Variants in ADCY9 observed in about 807,000 individuals in gnomAD.
ADCY9 encodes the protein adenylate cyclase type 9.
In ADCY9, 50 loss-of-function variants were observed where a neutral mutation model predicts 101.5. The ratio of observed to expected loss-of-function variants is 0.49; its 90% CI spans 0.39 to 0.62. ADCY9 has a LOEUF of 0.62. Ranked by LOEUF, ADCY9 falls within the 20% of genes least tolerant of loss-of-function variation. ADCY9 has a pLI of 0.00. For missense variants in ADCY9, 1,662 were observed against 1,800.4 expected (o/e 0.92, Z 1.39); for synonymous variants, 905 against 769.3 (o/e 1.18, Z -2.92).
At chr16:3,957,220 G>T (rs2055912408) in intron 5 of ADCY9, among the ~76,000 whole-genome samples, 1 of 152,180 alleles carries the variant, frequency 6.6e-6, no homozygotes, top group African/African-American at 2.4e-5. Flanking sequence ...ATGATGCCCA[G>T]TTAGAACCTG....
chr16:3,994,992 C>G (rs1474792855), intron 3 of ADCY9, among the ~76,000 whole-genome samples: 2 of 152,142 alleles, frequency 1.3e-5, no homozygotes, highest in East Asian at 1.9e-4. Flanking sequence ...AGATTTAATA[C>G]AGGTACCCTA....
At position 4,032,511 on chromosome 16, in the gene ADCY9, A is replaced by ATT. The variant is rs35449509; in HGVS notation, c.1694-24955_1694-24954dup. Among the ~76,000 whole-genome samples the ATT allele has an allele frequency of 2.5e-3, 345 of 140,514 alleles. 1 individual carries two copies. The highest frequency in any genetic ancestry group is 5.3e-3 in the South Asian group (23 of 4,312). 92.2% of individuals were successfully genotyped at this position (140,514 alleles called of 152,430 possible). On this transcript the variant is annotated intron_variant, in intron 2 of 10. Transcript: ENST00000294016. ...CGTGGTCTTCCATCTATATCACACAATTTTTTTTTTTTTTTGAGATGGAGT... is the reference window on the plus strand; with the variant it reads ...CGTGGTCTTCCATCTATATCACACAATTTTTTTTTTTTTTTTTGAGATGGAGT...
At chr16:4,072,846 T>G (rs898990878) in intron 2 of ADCY9, among the ~76,000 whole-genome samples, 6 of 151,858 alleles carry the variant, frequency 4.0e-5, no homozygotes, top group Non-Finnish European at 8.8e-5. Flanking sequence ...TTGGGAAACA[T>G]ATTACATTCA....
intron 7 of ADCY9, among the ~76,000 whole-genome samples, chr16:3,980,274 T>TTTC (rs879585429): frequency 0.33 from 50,239 of 152,158 alleles, 9,471 homozygotes; most frequent in Middle Eastern, 0.49. Context: ...GAGTGTGATG[T>TTTC]TGACACAATA....
At chr16:3,993,794 T>C (rs1014571825) in intron 3 of ADCY9, among the ~76,000 whole-genome samples, 4 of 152,160 alleles carry the variant, frequency 2.6e-5, no homozygotes, top group African/African-American at 7.2e-5. Flanking sequence ...CAATGGGATA[T>C]TACTCAGCCA....
At chr16:3,956,503 T>TTTTTTTTTTTTTA (rs55792938) in intron 5 of ADCY9, among the ~76,000 whole-genome samples, 1 of 69,496 alleles carries the variant, frequency 1.4e-5, no homozygotes, top group Non-Finnish European at 3.9e-5. Context: ...TTTTTTTTTT[T>TTTTTTTTTTTTTA]GGGGGGGGAT....
intron 2 of ADCY9, among the ~76,000 whole-genome samples, chr16:4,037,783 G>A (rs1159437668): frequency 6.6e-6 from 1 of 152,076 alleles, no homozygotes; most frequent in African/African-American, 2.4e-5. Flanking sequence ...GTCTTTGAGC[G>A]GAGACCTGTA....
intron 2 of ADCY9, among the ~76,000 whole-genome samples, chr16:4,058,609 G>T (rs567617811): frequency 2.6e-5 from 4 of 152,194 alleles, no homozygotes; most frequent in Non-Finnish European, 5.9e-5. Flanking sequence ...TGACGTTGCA[G>T]GGGGAAGTGA....
Position 4,114,122 on chromosome 16 carries a change from G to T in ADCY9, c.1321C>A (p.Leu441Met). 1 of 1,613,852 alleles carries T rather than the reference G, an allele frequency of 6.2e-7. No homozygotes were observed. The highest frequency in any genetic ancestry group is 8.5e-7 in the Non-Finnish European group (1 of 1,180,034). ...GCCACGCAGTAGTAACAGTCTCCCAGGGTGCTGATTTTCTCACACTTGGTC... is the reference window on the plus strand; with the variant it reads ...GCCACGCAGTAGTAACAGTCTCCCATGGTGCTGATTTTCTCACACTTGGTC... Reference protein sequence around the residue: ...EETKCEKISTLGDCYYCVAGC... With the variant: ...EETKCEKISTMGDCYYCVAGC... Residue 441 changes from leucine (L) to methionine (M), a missense_variant, in exon 2 of 11, where the codon CTG becomes ATG. Physicochemically the swap from Leu to Met is conservative, Grantham distance 15. This residue lies in a region of ADCY9 where 228 missense variants were observed against 301.1 expected (regional missense o/e 0.76). Transcript: ENST00000294016. This position sits in a 1 kb window ranked among gnomAD's most constrained non-coding sequence, Gnocchi z 4.3.
chr16:4,058,242 T>C (rs1446172927), intron 2 of ADCY9, among the ~76,000 whole-genome samples: 4 of 150,098 alleles, frequency 2.7e-5, no homozygotes. Context: ...GGTGGCAAGA[T>C]CACTTGAGGT....
At chr16:3,975,116 G>A (rs1384613020) in intron 9 of ADCY9, among the ~76,000 whole-genome samples, 1 of 152,164 alleles carries the variant, frequency 6.6e-6, no homozygotes, top group Admixed American at 6.5e-5. Context: ...CCAGCTCCAG[G>A]TAGAAAAGCC....
At chr16:4,103,936 T>C (rs568749834) in intron 2 of ADCY9, among the ~76,000 whole-genome samples, 154 of 152,292 alleles carry the variant, frequency 1.0e-3, no homozygotes, top group Non-Finnish European at 6.0e-4. Context: ...GTCTGAGTGA[T>C]GAAATGAGAA....
At chr16:4,075,985 T>A (rs2056864707) in intron 2 of ADCY9, among the ~76,000 whole-genome samples, 1 of 152,198 alleles carries the variant, frequency 6.6e-6, no homozygotes, top group African/African-American at 2.4e-5. Context: ...AGATATCTAG[T>A]TAATGAGGAG....
chr16:3,997,689 T>C (rs1829676633), intron 3 of ADCY9, among the ~76,000 whole-genome samples: 2 of 151,578 alleles, frequency 1.3e-5, no homozygotes, highest in Non-Finnish European at 2.9e-5. Context: ...GAAGTGGGAG[T>C]ATGGGAGGTG....
Position 3,965,105 on chromosome 16 carries a change from A to T in ADCY9, c.*670T>A, listed in dbSNP as rs2055976806. On this transcript the variant is annotated 3_prime_UTR_variant, in exon 11 of 11. Coordinates refer to ENST00000294016, the MANE Select transcript of ADCY9 (RefSeq NM_001116.4). ...CTGCATGCATGTGGGCGAGCCCCTA[A>T]ACCCGCTCAGTGCAGGGAGCGCGGC... 1 of 152,806 alleles carries T rather than the reference A, an allele frequency of 6.5e-6. No individual in the cohort carries two copies. Among genetic ancestry groups the T allele is most frequent in the African/African-American group, 2.4e-5 (1 of 41,452 alleles). 9.5% of individuals were successfully genotyped at this position (152,806 alleles called of 1,614,324 possible).
At chr16:3,983,054 G>A (rs530292484) in intron 7 of ADCY9, 178 bp downstream of exon 7, 30 of 655,208 alleles carry the variant, frequency 4.6e-5, no homozygotes, top group Admixed American at 8.9e-5. Flanking sequence ...CTGGGCCAAC[G>A]TCAGGGAGGG....
At chr16:4,107,963 C>A (rs2057088608) in intron 2 of ADCY9, among the ~76,000 whole-genome samples, 2 of 152,158 alleles carry the variant, frequency 1.3e-5, no homozygotes, top group African/African-American at 4.8e-5. Context: ...AAATGCATAC[C>A]AGCGGGTCTC....
intron 3 of ADCY9, among the ~76,000 whole-genome samples, chr16:3,998,009 G>A (rs531427628): frequency 2.6e-5 from 4 of 152,184 alleles, no homozygotes; most frequent in South Asian, 2.1e-4. Context: ...CAGGAGAGTC[G>A]CTTGGACCCG....
intron 10 of ADCY9, among the ~76,000 whole-genome samples, chr16:3,973,293 C>T (rs1160720200): frequency 3.3e-5 from 5 of 152,206 alleles, no homozygotes; most frequent in Admixed American, 6.5e-5. Context: ...CTGCAACCTC[C>T]GCTTCCCAGG....
Sources: allele counts gnomAD v4.1 joint callset (sites outside exome capture counted in the v4.1 genomes callset), GRCh38; gene constraint gnomAD v4.1.1; regional missense constraint gnomAD v4.1.1; non-coding constraint Gnocchi (gnomAD v3.1); transcripts MANE v1.5; gene names NCBI Gene and HGNC (gene_info 2026-07-23, HGNC 2026-07-21).